HHIP: variants seen among roughly 807,000 people sequenced by gnomAD.
The protein encoded by HHIP is hedgehog interacting protein.
Under a neutral mutation model 74.0 loss-of-function variants are expected in HHIP, and 12 were observed. That is an observed-to-expected ratio of 0.16 (90% CI 0.10 to 0.26). The LOEUF is 0.26. HHIP is among the 10% of genes least tolerant of loss of function. HHIP has a pLI of 1.00. For synonymous variants in HHIP, 309 were observed against 311.6 expected (o/e 0.99, Z 0.09); for missense variants, 788 against 845.0 (o/e 0.93, Z 0.84).
chr4:144,719,451 C>A (rs1166037950), intron 11 of HHIP, among the ~76,000 whole-genome samples: 7 of 152,156 alleles, frequency 4.6e-5, no homozygotes, highest in African/African-American at 1.7e-4. Flanking sequence ...ACTGTGGTGA[C>A]TAGACAAATA....
In HHIP at chr4:144,700,096, C is replaced by T. The variant is rs563229685; in HGVS notation, c.832-6435C>T. On this transcript the variant is annotated intron_variant, in intron 4 of 12. Coordinates refer to ENST00000296575, the MANE Select transcript of HHIP (RefSeq NM_022475.3). The stretch of plus-strand genomic sequence containing the variant: ...AGTTTTGATCTGAACTTAATTCATA[C>T]GTGAAAGTTTCACATGTCCACATTT... 3.9e-5 allele frequency among the ~76,000 whole-genome samples: 6 copies of T among 152,296 alleles called. No individual in the cohort carries two copies. The South Asian group carries it at 8.3e-4, about 21-fold the overall frequency.
intron 4 of HHIP, among the ~76,000 whole-genome samples, chr4:144,679,613 C>T (rs190273604): frequency 3.3e-5 from 5 of 152,274 alleles, no homozygotes; most frequent in African/African-American, 9.6e-5. Context: ...TTCCCAACAC[C>T]ATGTATTAAT....
intron 4 of HHIP, among the ~76,000 whole-genome samples, chr4:144,683,207 AAAAT>A (rs1489837169): frequency 1.3e-5 from 2 of 152,198 alleles, no homozygotes; most frequent in Admixed American, 6.5e-5. Context: ...TTTTCTATCT[AAAAT>A]AAAGAAGCTT....
At chr4:144,733,003 C>T (rs1731004544) in intron 11 of HHIP, among the ~76,000 whole-genome samples, 1 of 152,110 alleles carries the variant, frequency 6.6e-6, no homozygotes, top group Non-Finnish European at 1.5e-5. Context: ...AGAAATGCCA[C>T]CATTGTCTCA....
intron 4 of HHIP, among the ~76,000 whole-genome samples, chr4:144,695,998 T>G (rs1214847995): frequency 6.6e-6 from 1 of 151,972 alleles, no homozygotes; most frequent in Non-Finnish European, 1.5e-5. Context: ...AATGTAGGAC[T>G]TCACATTCTC....
intron 11 of HHIP, among the ~76,000 whole-genome samples, chr4:144,734,268 A>C (rs1318001222): frequency 6.6e-6 from 1 of 151,970 alleles, no homozygotes; most frequent in Non-Finnish European, 1.5e-5. Flanking sequence ...AAAGCTTTTC[A>C]GGCTACAAGT....
At chr4:144,714,617 G>C (rs773553244) in intron 9 of HHIP, among the ~76,000 whole-genome samples, 27 of 151,998 alleles carry the variant, frequency 1.8e-4, no homozygotes, top group Non-Finnish European at 1.2e-4. Context: ...TATTATTTAG[G>C]CTCTTCCCTT....
chr4:144,666,120 A>G (rs1728854567), intron 4 of HHIP, among the ~76,000 whole-genome samples: 1 of 152,154 alleles, frequency 6.6e-6, no homozygotes, highest in Non-Finnish European at 1.5e-5. Context: ...ATAAGTTATC[A>G]TTGTTTTCCA....
At chr4:144,677,591 C>A (rs559968096) in intron 4 of HHIP, among the ~76,000 whole-genome samples, 1 of 152,126 alleles carries the variant, frequency 6.6e-6, no homozygotes, top group African/African-American at 2.4e-5. Context: ...GGGTACCACC[C>A]CAAGGGGAAA....
intron 4 of HHIP, among the ~76,000 whole-genome samples, chr4:144,676,568 C>T (rs1421679798): frequency 1.3e-5 from 2 of 152,132 alleles, no homozygotes; most frequent in African/African-American, 4.8e-5. Flanking sequence ...TCAACCTGGA[C>T]GAAAACACAC....
chr4:144,704,495 T>C (rs1433321312), intron 4 of HHIP, among the ~76,000 whole-genome samples: 1 of 152,226 alleles, frequency 6.6e-6, no homozygotes, highest in Non-Finnish European at 1.5e-5. Context: ...ACTTGTGGAT[T>C]TGTTTAAATC....
chr4:144,712,146 G>A lies in HHIP; in HGVS notation c.1423+75G>A, dbSNP rs1730323705. The A allele has an allele frequency of 5.3e-6, 7 of 1,314,230 alleles. No homozygotes were observed. In the South Asian group the frequency reaches 9.2e-5, roughly 17 times the overall value. 81.4% of individuals were successfully genotyped at this position (1,314,230 alleles called of 1,614,324 possible). ...AGTATATTTAGTAATTGAAGAGAAA[G>A]GGATTTCTGAAAAATGAGCATTTGG... is the stretch of plus-strand genomic sequence containing the variant. On this transcript the variant is annotated intron_variant, in intron 8 of 12. Transcript: ENST00000296575.
In HHIP at chr4:144,652,738, C is replaced by T. The variant is rs1457413523; in HGVS notation, c.413C>T (p.Pro138Leu). 1.9e-6 allele frequency: 3 copies of T among 1,612,678 alleles called. No individual in the cohort carries two copies. The highest frequency in any genetic ancestry group is 2.5e-6 in the Non-Finnish European group (3 of 1,179,260). ...GTCTTGGAAAGAGACCTAGTACTTCCTCTGCTCTGCAAAGACTATTGCAAA... is the reference window on the plus strand; with the variant it reads ...GTCTTGGAAAGAGACCTAGTACTTCTTCTGCTCTGCAAAGACTATTGCAAA... The part of the protein sequence containing the change: ...REVLERDLVL[P>L]LLCKDYCKEF... The change falls in exon 2 of 13, where the codon CCT becomes CTT. Residue 138 changes from proline to leucine, a missense_variant. Coordinates refer to ENST00000296575, the MANE Select transcript of HHIP (RefSeq NM_022475.3).
intron 4 of HHIP, among the ~76,000 whole-genome samples, chr4:144,694,474 G>A (rs911231604): frequency 4.6e-5 from 7 of 151,652 alleles, no homozygotes; most frequent in Non-Finnish European, 1.0e-4. Flanking sequence ...ACATGACTAG[G>A]AAACTCAAGT....
intron 1 of HHIP, among the ~76,000 whole-genome samples, chr4:144,650,247 T>C (rs1728381343): frequency 6.6e-6 from 1 of 152,140 alleles, no homozygotes; most frequent in Non-Finnish European, 1.5e-5. Context: ...CTATGGATTT[T>C]ATTTTCGTGT....
At chr4:144,684,167 G>C in intron 4 of HHIP, among the ~76,000 whole-genome samples, 1 of 143,878 alleles carries the variant, frequency 7.0e-6, no homozygotes, top group East Asian at 2.2e-4. Flanking sequence ...GAGGTCAGGA[G>C]TTCGAGACCA....
rs533256523 is a variant in HHIP at position 144,733,910 on chromosome 4, A to G, written c.1761-831A>G. 2.0e-5 allele frequency among the ~76,000 whole-genome samples: 3 copies of G among 152,320 alleles called. No homozygotes were observed. The South Asian group carries it at 6.2e-4, about 32-fold the overall frequency. ...TTCTGAAGGCATCTTGGTTTCCACTATAAATGATGGCAGTTGTAGAACAAT... is the reference window on the plus strand; with the variant it reads ...TTCTGAAGGCATCTTGGTTTCCACTGTAAATGATGGCAGTTGTAGAACAAT... On this transcript the variant is annotated intron_variant, in intron 11 of 12. Coordinates refer to ENST00000296575, the MANE Select transcript of HHIP (RefSeq NM_022475.3).
intron 4 of HHIP, among the ~76,000 whole-genome samples, chr4:144,689,917 T>C (rs1578701470): frequency 6.6e-6 from 1 of 152,156 alleles, no homozygotes; most frequent in East Asian, 1.9e-4. Context: ...TAAGCAATTC[T>C]CCTGCCTCAG....
intron 4 of HHIP, among the ~76,000 whole-genome samples, chr4:144,680,813 G>T (rs1412126302): frequency 6.6e-6 from 1 of 152,154 alleles, no homozygotes; most frequent in Non-Finnish European, 1.5e-5. Context: ...AGGGCTTTTG[G>T]ACTTGTGTCC....
Sources: allele counts gnomAD v4.1 joint callset (sites outside exome capture counted in the v4.1 genomes callset), GRCh38; gene constraint gnomAD v4.1.1; transcripts MANE v1.5; gene names NCBI Gene and HGNC (gene_info 2026-07-23, HGNC 2026-07-21).